PPP2R5C: variants seen among roughly 807,000 people sequenced by gnomAD.
PPP2R5C encodes the protein protein phosphatase 2 regulatory subunit B'gamma.
Under a neutral mutation model 68.9 loss-of-function variants are expected in PPP2R5C, and 7 were observed. That is an observed-to-expected ratio of 0.10 (90% CI 0.06 to 0.19). The LOEUF is 0.19. PPP2R5C is among the 10% of genes least tolerant of loss of function. The pLI, the probability that PPP2R5C is intolerant of heterozygous loss-of-function variation, is 1.00. For synonymous variants in PPP2R5C, 210 were observed against 222.2 expected (o/e 0.95, Z 0.49); for missense variants, 348 against 641.3 (o/e 0.54, Z 4.94).
chr14:101,777,143 G>A (rs1018054318), intron 2 of PPP2R5C, among the ~76,000 whole-genome samples: 5 of 151,822 alleles, frequency 3.3e-5, no homozygotes, highest in African/African-American at 7.3e-5. Flanking sequence ...CCTCCCAAAC[G>A]CTCGTTCCTT....
At chr14:101,856,564 C>T in intron 1 of PPP2R5C, 122 bp from the exon 4 acceptor site, 1 of 858,328 alleles carries the variant, frequency 1.2e-6, no homozygotes, top group Admixed American at 2.5e-5. Flanking sequence ...GTTTACCCCA[C>T]CCATCTCCTT....
chr14:101,919,839 G>A (rs925430504), intron 13 of PPP2R5C, among the ~76,000 whole-genome samples: 4 of 152,132 alleles, frequency 2.6e-5, no homozygotes, highest in Admixed American at 2.0e-4. Context: ...CTTGGTGGCA[G>A]GTTCCTGTAA....
At chr14:101,813,190 A>G (rs1319607140) in intron 1 of PPP2R5C, among the ~76,000 whole-genome samples, 1 of 152,222 alleles carries the variant, frequency 6.6e-6, no homozygotes, top group African/African-American at 2.4e-5. Flanking sequence ...AACTGTAGTT[A>G]TTGTAAATTT....
chr14:101,899,530 A>G lies in PPP2R5C; in HGVS notation c.853-2189A>G, dbSNP rs985060928. 1.3e-5 allele frequency among the ~76,000 whole-genome samples: 2 copies of G among 152,252 alleles called. No individual in the cohort carries two copies. Among genetic ancestry groups the G allele is most frequent in the African/African-American group, 4.8e-5 (2 of 41,464 alleles). ...CTGATACCGATCACAGCTCATTCCA[A>G]ACAATGTGAACAGGAAGGCCCGTGT... On this transcript the variant is annotated intron_variant, in intron 8 of 13. Coordinates refer to ENST00000334743, the Ensembl canonical transcript of PPP2R5C. This position sits in a 1 kb window ranked among gnomAD's most constrained non-coding sequence, Gnocchi z 4.2.
rs562844664 is a variant in PPP2R5C at position 101,913,639 on chromosome 14, C to T, written c.1326+1166C>T. Among the ~76,000 whole-genome samples, 6 of 152,256 alleles carry T rather than the reference C, an allele frequency of 3.9e-5. No homozygotes were observed. The East Asian group carries it at 7.7e-4, about 20-fold the overall frequency. On this transcript the variant is annotated intron_variant, in intron 12 of 13. Coordinates refer to ENST00000334743, the Ensembl canonical transcript of PPP2R5C. The surrounding 1 kb of genome is among the most constrained non-coding windows in gnomAD (Gnocchi z 4.1). ...GGTAGCTATAGGCGTCTCCTTTTAACGAATTGAATTTATGTTGAAAGTGTG... is the reference window on the plus strand; with the variant it reads ...GGTAGCTATAGGCGTCTCCTTTTAATGAATTGAATTTATGTTGAAAGTGTG...
At position 101,882,341 on chromosome 14, in the gene PPP2R5C, C is replaced by T. The variant is rs776895622; in HGVS notation, c.405+70C>T. 13 of 1,249,712 alleles carry T rather than the reference C, an allele frequency of 1.0e-5. No homozygotes were observed. Among genetic ancestry groups the T allele is most frequent in the Non-Finnish European group, 1.5e-5 (13 of 887,556 alleles). The allele number at this position is 1,249,712 out of a possible 1,614,324, so 77.4% of individuals were successfully genotyped here. ...TGGGAATGGCCTGGGATCCACAGAG[C>T]GGGCGCACTGGTCTGGCCAGATGGA... On this transcript the variant is annotated intron_variant, in intron 3 of 13. Transcript: ENST00000334743. The surrounding 1 kb of genome is among the most constrained non-coding windows in gnomAD (Gnocchi z 4.9).
intron 6 of PPP2R5C, among the ~76,000 whole-genome samples, chr14:101,890,764 CTTTTTTTTTTTT>C (rs368348255): frequency 8.7e-6 from 1 of 115,354 alleles, no homozygotes; most frequent in South Asian, 2.9e-4. Flanking sequence ...TTTAGTTGCC[CTTTTTTTTTTTT>C]TTTTTTTTTT....
intron 2 of PPP2R5C, among the ~76,000 whole-genome samples, chr14:101,784,951 G>A (rs766191115): frequency 6.6e-6 from 1 of 152,150 alleles, no homozygotes; most frequent in Admixed American, 6.5e-5. Flanking sequence ...GAGCTCCTTT[G>A]GCCTCTGTGG....
intron 1 of PPP2R5C, among the ~76,000 whole-genome samples, chr14:101,840,594 A>G (rs896474235): frequency 6.6e-6 from 1 of 151,902 alleles, no homozygotes; most frequent in Admixed American, 6.6e-5. Flanking sequence ...GATTGATAAT[A>G]CTAAGATGTT....
At position 101,882,744 on chromosome 14, in the gene PPP2R5C, G is replaced by A; in HGVS notation, c.405+473G>A. 6.2e-6 allele frequency: 1 copy of A among 162,154 alleles called. No homozygotes were observed. Among genetic ancestry groups the A allele is most frequent in the Non-Finnish European group, 1.3e-5 (1 of 74,758 alleles). The allele number at this position is 162,154 out of a possible 1,614,324, so 10.0% of individuals were successfully genotyped here. A position where few individuals can be genotyped will look rare whatever the true frequency, so the allele number is the denominator to read the frequency against. ...GCGGGTGGGAGGGCCATCCATCCGTGACAGGCGGCCCACGCTGTCCCACCC... is the reference window on the plus strand; with the variant it reads ...GCGGGTGGGAGGGCCATCCATCCGTAACAGGCGGCCCACGCTGTCCCACCC... On this transcript the variant is annotated intron_variant, in intron 3 of 13. Transcript: ENST00000334743. The surrounding 1 kb of genome is among the most constrained non-coding windows in gnomAD (Gnocchi z 4.9).
At chr14:101,864,101 T>C (rs1440712942) in intron 2 of PPP2R5C, among the ~76,000 whole-genome samples, 1 of 152,208 alleles carries the variant, frequency 6.6e-6, no homozygotes, top group Non-Finnish European at 1.5e-5. Context: ...GTTATACTCT[T>C]GCATTTCTTC....
At chr14:101,815,644 T>C (rs1238744099) in intron 1 of PPP2R5C, among the ~76,000 whole-genome samples, 1 of 152,212 alleles carries the variant, frequency 6.6e-6, no homozygotes, top group Non-Finnish European at 1.5e-5. Context: ...AAGTTATCTC[T>C]GAGTGATCAC....
intron 2 of PPP2R5C, among the ~76,000 whole-genome samples, chr14:101,861,601 A>T (rs116410301): frequency 1.3e-5 from 2 of 152,306 alleles, no homozygotes; most frequent in African/African-American, 4.8e-5. Flanking sequence ...GATTAATTGT[A>T]TTATTTCATG....
At chr14:101,813,637 G>A (rs2039495138) in intron 1 of PPP2R5C, among the ~76,000 whole-genome samples, 2 of 152,216 alleles carry the variant, frequency 1.3e-5, no homozygotes, top group African/African-American at 4.8e-5. Flanking sequence ...CGGAAAGATG[G>A]TAATGGCCAG....
Position 101,879,841 on chromosome 14 carries a change from C to T in PPP2R5C, c.295-2320C>T, listed in dbSNP as rs772064849. 5.3e-5 allele frequency among the ~76,000 whole-genome samples: 8 copies of T among 152,236 alleles called. No individual in the cohort carries two copies. Among genetic ancestry groups the T allele is most frequent in the Non-Finnish European group, 8.8e-5 (6 of 68,044 alleles). ...TTTCCTTTCTCTGCCCTTCATGGCC[C>T]TGGAAGTTATGGAGAGCTTCAGCAG... On this transcript the variant is annotated intron_variant, in intron 2 of 13. Coordinates refer to ENST00000334743, the Ensembl canonical transcript of PPP2R5C. The surrounding 1 kb of genome is among the most constrained non-coding windows in gnomAD (Gnocchi z 4.2).
chr14:101,762,078 G>T lies in PPP2R5C; in HGVS notation c.27+158G>T, dbSNP rs1312789531. Among the ~76,000 whole-genome samples, 32 of 151,644 alleles carry T rather than the reference G, an allele frequency of 2.1e-4. No individual in the cohort carries two copies. The East Asian group carries it at 6.2e-3, about 30-fold the overall frequency. ...GGGCGGCCGAGCCAGGCATCCCCGG[G>T]CTTCTCTCGGCCTCATGCCCGGTGG... On this transcript the variant is annotated intron_variant, in intron 1 of 14. Coordinates refer to the PPP2R5C transcript ENST00000328724.
At chr14:101,765,062 T>C (rs979763096) in intron 2 of PPP2R5C, 1 of 658,262 alleles carries the variant, frequency 1.5e-6, no homozygotes, top group East Asian at 2.7e-5. Flanking sequence ...AAATGTGTGT[T>C]TTGAAAGCAG....
In PPP2R5C at chr14:101,797,155, G is replaced by A. The variant is rs556354459; in HGVS notation, c.259+10972G>A. 24 of 455,936 alleles carry A rather than the reference G, an allele frequency of 5.3e-5. No individual in the cohort carries two copies. Among genetic ancestry groups the A allele is most frequent in the African/African-American group, 3.6e-4 (18 of 50,140 alleles). 28.2% of individuals were successfully genotyped at this position (455,936 alleles called of 1,614,324 possible). On this transcript the variant is annotated intron_variant, in intron 3 of 14. Coordinates refer to the PPP2R5C transcript ENST00000328724. This position sits in a 1 kb window ranked among gnomAD's most constrained non-coding sequence, Gnocchi z 4.2. ...GTAGGAGCCTCTTAGAAGCGGAATC[G>A]TACAGTATCTGTCTTTCTGTGCCTG...
intron 1 of PPP2R5C, among the ~76,000 whole-genome samples, chr14:101,817,503 C>T (rs1347166637): frequency 2.6e-5 from 4 of 152,136 alleles, no homozygotes; most frequent in East Asian, 1.9e-4. Context: ...GACAAAACAG[C>T]GTTTTTGGGG....
Sources: allele counts gnomAD v4.1 joint callset (sites outside exome capture counted in the v4.1 genomes callset), GRCh38; gene constraint gnomAD v4.1.1; non-coding constraint Gnocchi (gnomAD v3.1); transcripts MANE v1.5; gene names NCBI Gene and HGNC (gene_info 2026-07-23, HGNC 2026-07-21).